WDR88: variants seen among roughly 807,000 people sequenced by gnomAD.
WDR88 encodes WD repeat-containing protein 88.
WDR88 carries 40 observed loss-of-function variants against 46.8 expected under a neutral mutation model. That is an observed-to-expected ratio of 0.86 (90% CI 0.66 to 1.11). The LOEUF is 1.11. WDR88 is among the 50% of genes most tolerant of loss of function. WDR88 has a pLI of 0.00. For synonymous variants in WDR88, 235 were observed against 240.7 expected (o/e 0.98, Z 0.22); for missense variants, 562 against 602.4 (o/e 0.93, Z 0.70).
chr19:33,133,224 G>GAAA, intron 1 of WDR88, among the ~76,000 whole-genome samples: 1 of 144,218 alleles, frequency 6.9e-6, no homozygotes, highest in East Asian at 2.0e-4. Flanking sequence ...AAGAAAGAAA[G>GAAA]AAAAAGAAAA....
At chr19:33,133,731 T>G (rs1255887932) in intron 1 of WDR88, among the ~76,000 whole-genome samples, 2 of 152,214 alleles carry the variant, frequency 1.3e-5, no homozygotes, top group Non-Finnish European at 2.9e-5. Flanking sequence ...CCTCTCCATG[T>G]TCTCCTCCCC....
chr19:33,160,583 G>C, intron 8 of WDR88, 87 bp downstream of exon 8: 1 of 1,409,146 alleles, frequency 7.1e-7, no homozygotes. Context: ...GGACACAGCT[G>C]TGAGTGACAC....
chr19:33,161,897 A>G (rs1438849362), intron 8 of WDR88, among the ~76,000 whole-genome samples: 1 of 152,260 alleles, frequency 6.6e-6, no homozygotes, highest in East Asian at 1.9e-4. Flanking sequence ...CCTGGGAGGC[A>G]GAGGCTGCAG....
intron 9 of WDR88, among the ~76,000 whole-genome samples, chr19:33,169,577 G>T (rs1256704844): frequency 7.1e-6 from 1 of 140,436 alleles, no homozygotes; most frequent in Non-Finnish European, 1.5e-5. Context: ...TATAATAAAA[G>T]AACTCAGAAA....
intron 3 of WDR88, among the ~76,000 whole-genome samples, chr19:33,147,369 G>A (rs543145125): frequency 9.6e-4 from 146 of 152,274 alleles, no homozygotes; most frequent in Middle Eastern, 3.4e-3. Context: ...TTGGGAGGCC[G>A]AGGCAGGTGG....
At chr19:33,174,034 T>C (rs1286274575) in intron 10 of WDR88, 1 of 741,592 alleles carries the variant, frequency 1.3e-6, no homozygotes, top group Non-Finnish European at 2.2e-6. Context: ...GTGTTTTTAT[T>C]AGAGACGGGG....
chr19:33,142,851 C>CAAAAAAAAAAAAA lies in WDR88; in HGVS notation c.388-1976_388-1964dup, dbSNP rs74174644. 13 of 19,530 alleles carry CAAAAAAAAAAAAA rather than the reference C, an allele frequency of 6.7e-4. 1 individual carries two copies. The highest frequency in any genetic ancestry group is 2.8e-3 in the East Asian group (1 of 362). 1.2% of individuals were successfully genotyped at this position (19,530 alleles called of 1,614,324 possible). A position where few individuals can be genotyped will look rare whatever the true frequency, so the allele number is the denominator to read the frequency against. On this transcript the variant is annotated intron_variant, in intron 2 of 10. Coordinates refer to ENST00000355868, the MANE Select transcript of WDR88 (RefSeq NM_173479.4). ...TGAAACCCTGTCTCTACTAAAAATA[C>CAAAAAAAAAAAAA]AAAAAAAAAAAAAAAAAAAAAAAAA... is the stretch of plus-strand genomic sequence containing the variant.
chr19:33,140,204 G>C (rs1181503662), intron 2 of WDR88, among the ~76,000 whole-genome samples: 1 of 152,156 alleles, frequency 6.6e-6, no homozygotes, highest in African/African-American at 2.4e-5. Flanking sequence ...ACCCAGGCTG[G>C]AGTGCAGTGG....
At chr19:33,161,411 C>A (rs1481679065) in intron 8 of WDR88, among the ~76,000 whole-genome samples, 2 of 152,074 alleles carry the variant, frequency 1.3e-5, no homozygotes, top group Non-Finnish European at 2.9e-5. Context: ...CCCCAAGGGG[C>A]CCCACACCCC....
intron 9 of WDR88, among the ~76,000 whole-genome samples, chr19:33,170,915 C>T (rs1191538605): frequency 1.3e-5 from 2 of 152,160 alleles, no homozygotes; most frequent in African/African-American, 4.8e-5. Context: ...CTGTACATTT[C>T]GAGGAAGGTG....
At chr19:33,163,201 C>T (rs11879427) in intron 8 of WDR88, among the ~76,000 whole-genome samples, 31,544 of 151,796 alleles carry the variant, frequency 0.21, 4,732 homozygotes, top group African/African-American at 0.4. Context: ...GGTGTGGTGG[C>T]GGGCGCCTGT....
At chr19:33,136,766 G>A (rs546076836) in intron 1 of WDR88, among the ~76,000 whole-genome samples, 46 of 151,288 alleles carry the variant, frequency 3.0e-4, no homozygotes, top group African/African-American at 1.1e-3. Context: ...TAGTAGAGAT[G>A]GGGTTTTGCC....
chr19:33,142,211 G>T (rs1038158760), intron 2 of WDR88, among the ~76,000 whole-genome samples: 1 of 152,096 alleles, frequency 6.6e-6, no homozygotes, highest in Non-Finnish European at 1.5e-5. Flanking sequence ...AGCCAGCAGG[G>T]GGGGACGAAG....
intron 2 of WDR88, among the ~76,000 whole-genome samples, chr19:33,141,613 C>A (rs1453641541): frequency 2.6e-5 from 4 of 152,200 alleles, no homozygotes; most frequent in Non-Finnish European, 4.4e-5. Flanking sequence ...TTTTTCCCAG[C>A]TTCTCTGTAC....
At chr19:33,157,683 GTATGTATATATATATATA>G (rs1471100646) in intron 7 of WDR88, among the ~76,000 whole-genome samples, 3 of 6,448 alleles carry the variant, frequency 4.7e-4, no homozygotes, top group Non-Finnish European at 7.3e-4. Context: ...GTGTGTGTAT[GTATGTATATATATATATA>G]TATATATATA....
At chr19:33,167,406 G>A (rs1045908040) in intron 9 of WDR88, among the ~76,000 whole-genome samples, 1 of 151,366 alleles carries the variant, frequency 6.6e-6, no homozygotes, top group African/African-American at 2.4e-5. Flanking sequence ...AGGAATAAAG[G>A]GATAATTCCG....
chr19:33,148,743 A>T, intron 4 of WDR88, 29 bp from the exon 5 acceptor site: 1 of 1,613,944 alleles, frequency 6.2e-7, no homozygotes, highest in Non-Finnish European at 8.5e-7. Flanking sequence ...CTGGCTTAAA[A>T]CAACCTTTTG....
chr19:33,151,619 G>C (rs1364090551), intron 6 of WDR88, among the ~76,000 whole-genome samples: 1 of 152,202 alleles, frequency 6.6e-6, no homozygotes, highest in African/African-American at 2.4e-5. Flanking sequence ...GTGGCTCATG[G>C]CTATAATCCC....
At chr19:33,146,976 T>C (rs914045039) in intron 3 of WDR88, among the ~76,000 whole-genome samples, 14 of 149,574 alleles carry the variant, frequency 9.4e-5, no homozygotes, top group African/African-American at 3.4e-4. Flanking sequence ...GGTGGCTTAT[T>C]CTTGTAATTC....
Sources: allele counts gnomAD v4.1 joint callset (sites outside exome capture counted in the v4.1 genomes callset), GRCh38; gene constraint gnomAD v4.1.1; transcripts MANE v1.5; gene names NCBI Gene and HGNC (gene_info 2026-07-23, HGNC 2026-07-21).